The following CSMD3 variants were observed in gnomAD, a reference collection of about 807,000 sequenced individuals.
CSMD3 encodes the protein CUB and Sushi multiple domains 3, also known as CUB and sushi domain-containing protein 3.
CSMD3 carries 177 observed loss-of-function variants against 435.2 expected under a neutral mutation model. The observed-to-expected ratio is 0.41, with a 90% CI of 0.36 to 0.46. The LOEUF (loss-of-function observed/expected upper bound fraction) is 0.46. Among genes scored for constraint, CSMD3 ranks in the 20% least tolerant of loss-of-function variants. CSMD3 has a pLI of 0.34. For missense variants in CSMD3, 4,265 were observed against 4,504.6 expected (o/e 0.95, Z 1.52); for synonymous variants, 1,656 against 1,520.5 (o/e 1.09, Z -2.07).
At chr8:112,440,633 G>A (rs559434980) in intron 32 of CSMD3, among the ~76,000 whole-genome samples, 9 of 148,674 alleles carry the variant, frequency 6.1e-5, no homozygotes, top group Non-Finnish European at 1.3e-4. Flanking sequence ...AGACGATCAG[G>A]TGTTCCCACA....
chr8:112,850,552 T>C (rs1225428119), intron 11 of CSMD3, among the ~76,000 whole-genome samples: 9 of 152,196 alleles, frequency 5.9e-5, no homozygotes, highest in Admixed American at 5.2e-4. Flanking sequence ...TAAAAATGAA[T>C]ACATATGTTG....
At chr8:112,634,063 T>C (rs191015505) in intron 22 of CSMD3, among the ~76,000 whole-genome samples, 6 of 152,134 alleles carry the variant, frequency 3.9e-5, no homozygotes, top group African/African-American at 1.2e-4. Flanking sequence ...GACTAAATAA[T>C]GATTTTTTAA....
At chr8:112,457,979 C>T (rs1374025972) in intron 32 of CSMD3, among the ~76,000 whole-genome samples, 1 of 151,954 alleles carries the variant, frequency 6.6e-6, no homozygotes, top group Non-Finnish European at 1.5e-5. Context: ...GTCCTCCTCA[C>T]CCAGGATAAA....
chr8:113,421,127 C>T (rs1228516157), intron 1 of CSMD3, among the ~76,000 whole-genome samples: 1 of 151,928 alleles, frequency 6.6e-6, no homozygotes, highest in Non-Finnish European at 1.5e-5. Context: ...TTTTCATATT[C>T]CAAATTTCTG....
At chr8:112,401,324 C>G (rs1831320164) in intron 35 of CSMD3, among the ~76,000 whole-genome samples, 1 of 151,944 alleles carries the variant, frequency 6.6e-6, no homozygotes, top group South Asian at 2.1e-4. Context: ...TGCTATTTTG[C>G]TATTTTTTTT....
At chr8:113,231,195 A>G (rs1183573114) in intron 3 of CSMD3, among the ~76,000 whole-genome samples, 1 of 151,344 alleles carries the variant, frequency 6.6e-6, no homozygotes, top group Non-Finnish European at 1.5e-5. Context: ...ATATTATTTA[A>G]CTATTTTTCT....
intron 13 of CSMD3, among the ~76,000 whole-genome samples, chr8:112,774,764 T>A (rs534751239): frequency 6.6e-6 from 1 of 152,134 alleles, no homozygotes; most frequent in South Asian, 2.1e-4. Flanking sequence ...GGTAAGGGCT[T>A]CTATCTTTTC....
chr8:112,244,493 T>G lies in CSMD3; in HGVS notation c.10303A>C (p.Ile3435Leu), dbSNP rs752160226. The G allele has an allele frequency of 6.2e-7, 1 of 1,612,504 alleles. No individual in the cohort carries two copies. The highest frequency in any genetic ancestry group is 2.2e-5 in the East Asian group (1 of 44,862). ...AAGAAGCCAGGCTGACAGGTATAAATCAGTGTATACCCATGAGATGGAAGG... is the reference window on the plus strand; with the variant it reads ...AAGAAGCCAGGCTGACAGGTATAAAGCAGTGTATACCCATGAGATGGAAGG... The part of the protein sequence containing the change: ...MDLPSHGYTL[I>L]YTCQPGFFLA... Residue 3435 changes from isoleucine to leucine, a missense_variant, in exon 65 of 71, where the codon ATT (isoleucine) becomes CTT (leucine). Coordinates refer to ENST00000297405, the MANE Select transcript of CSMD3 (RefSeq NM_198123.2).
At chr8:113,093,773 AAAAT>A (rs1180931203) in intron 5 of CSMD3, among the ~76,000 whole-genome samples, 1 of 152,204 alleles carries the variant, frequency 6.6e-6, no homozygotes, top group Non-Finnish European at 1.5e-5. Context: ...CCAACTAATA[AAAAT>A]AAATAATTGT....
intron 1 of CSMD3, among the ~76,000 whole-genome samples, chr8:113,323,946 T>C (rs2093966023): frequency 6.6e-6 from 1 of 152,178 alleles, no homozygotes; most frequent in Non-Finnish European, 1.5e-5. Context: ...AATACAATAC[T>C]TTACAGTTAA....
At position 113,084,406 on chromosome 8, in the gene CSMD3, G is replaced by T. The variant is rs183334848; in HGVS notation, c.917+14350C>A. 4.2e-3 allele frequency among the ~76,000 whole-genome samples: 643 copies of T among 151,976 alleles called. 1 individual carries two copies. Among genetic ancestry groups the T allele is most frequent in the African/African-American group, 0.014 (564 of 41,476 alleles). On this transcript the variant is annotated intron_variant, in intron 5 of 70. Coordinates refer to ENST00000297405, the MANE Select transcript of CSMD3 (RefSeq NM_198123.2). ...AAGAAATTTAACCAATTAGGTGAAA[G>T]ATCTCTACAATAAAAACTAAAATGT...
At chr8:113,419,882 TAG>T (rs1200783120) in intron 1 of CSMD3, among the ~76,000 whole-genome samples, 2 of 152,156 alleles carry the variant, frequency 1.3e-5, no homozygotes, top group African/African-American at 4.8e-5. Context: ...AATCTAATGG[TAG>T]CCTTAAAAAG....
chr8:113,273,300 A>T (rs893641430), intron 3 of CSMD3, among the ~76,000 whole-genome samples: 1 of 152,024 alleles, frequency 6.6e-6, no homozygotes, highest in Non-Finnish European at 1.5e-5. Flanking sequence ...TTAAAAAAAA[A>T]CCTCAGCTCT....
intron 59 of CSMD3, among the ~76,000 whole-genome samples, chr8:112,272,668 C>A (rs1217319986): frequency 2.0e-5 from 3 of 152,034 alleles, no homozygotes; most frequent in Non-Finnish European, 4.4e-5. Context: ...GAGTCTAGGA[C>A]AATTCCCAAA....
At chr8:112,641,935 G>C (rs1056135652) in intron 20 of CSMD3, among the ~76,000 whole-genome samples, 5 of 152,120 alleles carry the variant, frequency 3.3e-5, no homozygotes, top group Non-Finnish European at 7.4e-5. Context: ...TGAGGACCTA[G>C]TATAGACATT....
intron 42 of CSMD3, 142 bp from the exon 43 acceptor site, chr8:112,337,873 A>G (rs1824727158): frequency 4.9e-6 from 3 of 607,136 alleles, no homozygotes; most frequent in Non-Finnish European, 8.8e-6. Context: ...TTTATGATAA[A>G]TGCTGTCAAT....
chr8:113,013,213 A>G (rs1347156723), intron 6 of CSMD3, among the ~76,000 whole-genome samples: 1 of 152,072 alleles, frequency 6.6e-6, no homozygotes, highest in Non-Finnish European at 1.5e-5. Context: ...CAGTTCCAAG[A>G]AAAAGTGTTT....
chr8:112,756,293 G>C (rs1036741327), intron 13 of CSMD3, among the ~76,000 whole-genome samples: 1 of 152,106 alleles, frequency 6.6e-6, no homozygotes, highest in African/African-American at 2.4e-5. Context: ...CCAGGTGCTT[G>C]GACCAACTGC....
At chr8:112,919,515 T>C (rs1487876527) in intron 10 of CSMD3, among the ~76,000 whole-genome samples, 1 of 151,754 alleles carries the variant, frequency 6.6e-6, no homozygotes, top group Non-Finnish European at 1.5e-5. Flanking sequence ...GATCTGGCTA[T>C]AACTTCTGGT....
Sources: allele counts gnomAD v4.1 joint callset (sites outside exome capture counted in the v4.1 genomes callset), GRCh38; gene constraint gnomAD v4.1.1; transcripts MANE v1.5; gene names NCBI Gene and HGNC (gene_info 2026-07-23, HGNC 2026-07-21).